Variants in AACS observed in about 807,000 individuals in gnomAD.
AACS encodes acetoacetate-CoA ligase.
In AACS, 69 loss-of-function variants were observed where a neutral mutation model predicts 83.1. The observed-to-expected ratio is 0.83, with a 90% CI of 0.68 to 1.01. The LOEUF (loss-of-function observed/expected upper bound fraction) is 1.01. AACS is among the 50% of genes least tolerant of loss of function. AACS has a pLI of 0.00. For synonymous variants in AACS, 333 were observed against 343.4 expected (o/e 0.97, Z 0.33); for missense variants, 866 against 882.2 (o/e 0.98, Z 0.23).
chr12:125,134,091 G>A lies in AACS; in HGVS notation c.1619+19G>A, dbSNP rs949251755. 6.2e-7 allele frequency: 1 copy of A among 1,611,588 alleles called. No homozygotes were observed. Among genetic ancestry groups the A allele is most frequent in the Non-Finnish European group, 8.5e-7 (1 of 1,179,120 alleles). ...GCCGGAGGTAAGGGCTGCAGAGTCG[G>A]CTTCTCTTTCCTGGAGCCCCACCTT... On this transcript the variant is annotated intron_variant, in intron 15 of 17. Coordinates refer to ENST00000316519, the MANE Select transcript of AACS (RefSeq NM_023928.5).
At chr12:125,088,583 G>A (rs1021869172) in intron 4 of AACS, among the ~76,000 whole-genome samples, 10 of 152,148 alleles carry the variant, frequency 6.6e-5, no homozygotes, top group African/African-American at 1.4e-4. Context: ...GTTCTTGGTC[G>A]TCTGATTTAA....
intron 7 of AACS, among the ~76,000 whole-genome samples, chr12:125,104,204 C>T (rs577546375): frequency 6.6e-6 from 1 of 151,932 alleles, no homozygotes; most frequent in Non-Finnish European, 1.5e-5. Flanking sequence ...AGCCTTGGGT[C>T]GGGGCCACTG....
rs1443777723 is a variant in AACS, at chr12:125,143,123, G to C, written c.*894G>C. On this transcript the variant is annotated 3_prime_UTR_variant, in exon 18 of 18. Coordinates refer to ENST00000316519, the MANE Select transcript of AACS (RefSeq NM_023928.5). The stretch of plus-strand genomic sequence containing the variant: ...CTAAGTCAAGTCACGGGTTTCCATA[G>C]CCAGGCAGTTGGTATGTACAATTCA... 6.6e-6 allele frequency: 1 copy of C among 152,218 alleles called. No individual in the cohort carries two copies. Among genetic ancestry groups the C allele is most frequent in the African/African-American group, 2.4e-5 (1 of 41,454 alleles). The allele number at this position is 152,218 out of a possible 1,614,324, so 9.4% of individuals were successfully genotyped here.
intron 7 of AACS, chr12:125,105,266 C>T (rs938233193): frequency 2.6e-5 from 4 of 152,182 alleles, no homozygotes; most frequent in East Asian, 3.9e-4. Context: ...CTCTGCAAAG[C>T]GTGCACAGTC....
chr12:125,091,129 A>T (rs377578352), intron 4 of AACS: 10 of 427,984 alleles, frequency 2.3e-5, no homozygotes, highest in South Asian at 1.3e-4. Flanking sequence ...AGGACAACTG[A>T]GGAGTCGGAA....
At chr12:125,104,305 AG>A (rs1956787615) in intron 7 of AACS, among the ~76,000 whole-genome samples, 1 of 152,198 alleles carries the variant, frequency 6.6e-6, no homozygotes, top group African/African-American at 2.4e-5. Flanking sequence ...CGGGGACCAG[AG>A]GTGGAAGAGA....
At chr12:125,128,321 G>T in intron 13 of AACS, 47 bp downstream of exon 13, 1 of 1,532,166 alleles carries the variant, frequency 6.5e-7, no homozygotes, top group African/African-American at 1.4e-5. Context: ...GCGTGAGTTG[G>T]GAGTGTGGGA....
intron 5 of AACS, chr12:125,101,916 GC>G (rs1448247511): frequency 5.3e-5 from 8 of 151,390 alleles, no homozygotes; most frequent in African/African-American, 1.9e-4. Context: ...ACAGGCACGT[GC>G]CACCATGCCT....
chr12:125,115,232 C>T (rs1407933678), intron 9 of AACS, among the ~76,000 whole-genome samples: 1 of 151,206 alleles, frequency 6.6e-6, no homozygotes, highest in Admixed American at 6.6e-5. Context: ...GATCTAGCTA[C>T]AGGTCCTAGG....
intron 5 of AACS, among the ~76,000 whole-genome samples, chr12:125,100,064 G>A (rs1463507568): frequency 6.6e-6 from 1 of 152,070 alleles, no homozygotes; most frequent in Non-Finnish European, 1.5e-5. Flanking sequence ...TGCCCAGGCT[G>A]GAGTACAGTG....
At chr12:125,118,565 C>T in intron 9 of AACS, 76 bp from the exon 10 acceptor site, 5 of 1,576,094 alleles carry the variant, frequency 3.2e-6, no homozygotes, top group Admixed American at 1.8e-5. Flanking sequence ...TTCCCAGGGA[C>T]ACAGGAAGCT....
chr12:125,112,064 G>T (rs1956964537), intron 8 of AACS, among the ~76,000 whole-genome samples: 1 of 152,214 alleles, frequency 6.6e-6, no homozygotes, highest in Admixed American at 6.5e-5. Flanking sequence ...GTGGGAGAGG[G>T]ATTTGCCACA....
At chr12:125,136,923 T>C in intron 17 of AACS, 59 bp downstream of exon 17, 1 of 1,555,316 alleles carries the variant, frequency 6.4e-7, no homozygotes, top group Non-Finnish European at 8.8e-7. Flanking sequence ...GCCCACACAT[T>C]GAGGGGCGCT....
chr12:125,066,738 G>A lies in AACS; in HGVS notation c.133+1021G>A, dbSNP rs534499294. Among the ~76,000 whole-genome samples, 4 of 151,964 alleles carry A rather than the reference G, an allele frequency of 2.6e-5. No individual in the cohort carries two copies. The South Asian group carries it at 8.3e-4, about 32-fold the overall frequency. ...TGCTGGGATTACAGGTGTGAGCCACGGCGCCTGGCCTCCTAGGGGATTTTT... is the reference window on the plus strand; with the variant it reads ...TGCTGGGATTACAGGTGTGAGCCACAGCGCCTGGCCTCCTAGGGGATTTTT... On this transcript the variant is annotated intron_variant, in intron 1 of 17. Transcript: ENST00000316519.
intron 3 of AACS, among the ~76,000 whole-genome samples, chr12:125,080,930 A>T (rs1956164041): frequency 6.6e-6 from 1 of 151,652 alleles, no homozygotes; most frequent in South Asian, 2.1e-4. Context: ...TGACCTCGTG[A>T]TCCACCCGCC....
rs550434341 is a variant in AACS, at chr12:125,112,750, G to A, written c.916-1727G>A. Among the ~76,000 whole-genome samples, 11 of 151,432 alleles carry A rather than the reference G, an allele frequency of 7.3e-5. No individual in the cohort carries two copies. The East Asian group carries it at 7.8e-4, about 11-fold the overall frequency. The stretch of plus-strand genomic sequence containing the variant: ...GGTTTAATGGACTTAACAGTTCTAC[G>A]TGGCTGGGGAGGCCTCACAATCATG... On this transcript the variant is annotated intron_variant, in intron 8 of 17. Coordinates refer to ENST00000316519, the MANE Select transcript of AACS (RefSeq NM_023928.5).
intron 8 of AACS, among the ~76,000 whole-genome samples, chr12:125,110,362 C>T (rs992289324): frequency 1.3e-5 from 2 of 152,136 alleles, no homozygotes; most frequent in Non-Finnish European, 2.9e-5. Flanking sequence ...TGAGCCGTCA[C>T]GCCCAGCTGA....
intron 8 of AACS, 91 bp downstream of exon 8, chr12:125,107,359 C>G: frequency 6.6e-7 from 1 of 1,512,458 alleles, no homozygotes; most frequent in Non-Finnish European, 9.0e-7. Context: ...TTGGAGTTGT[C>G]AAACTGCACC....
intron 3 of AACS, among the ~76,000 whole-genome samples, chr12:125,081,879 G>GTT (rs1346284849): frequency 2.8e-5 from 4 of 144,930 alleles, no homozygotes; most frequent in African/African-American, 2.5e-5. Flanking sequence ...AAAAAAACGA[G>GTT]TTTTTTTTTT....
Sources: allele counts gnomAD v4.1 joint callset (sites outside exome capture counted in the v4.1 genomes callset), GRCh38; gene constraint gnomAD v4.1.1; transcripts MANE v1.5; gene names NCBI Gene and HGNC (gene_info 2026-07-23, HGNC 2026-07-21).